The following LRRC39 variants were observed in gnomAD, a reference collection of about 807,000 sequenced individuals.
LRRC39 encodes leucine-rich repeat-containing protein 39.
A neutral mutation model predicts 39.7 loss-of-function variants in LRRC39; 35 were observed. That is an observed-to-expected ratio of 0.88 (90% confidence interval 0.67 to 1.17). The LOEUF (loss-of-function observed/expected upper bound fraction) is 1.17, where lower values mean the gene tolerates loss of function less well. LRRC39 is among the 50% of genes most tolerant of loss of function. LRRC39 has a pLI of 0.00. For missense variants in LRRC39, 357 were observed against 385.8 expected, an observed-to-expected ratio of 0.93 and a Z score of 0.62; for synonymous variants, 113 against 134.1, an observed-to-expected ratio of 0.84 and a Z score of 1.09.
chr1:100,156,452 C>A, intron 6 of LRRC39, 135 bp from the exon 7 acceptor site: 1 of 731,036 alleles, frequency 1.4e-6, no homozygotes, highest in Non-Finnish European at 2.0e-6. Flanking sequence ...CATATTAGTC[C>A]GCAACAAATT....
Position 100,155,092 on chromosome 1 carries a change from C to T in LRRC39, c.771G>A (p.Leu257=). Residue 257 remains leucine (L), a synonymous_variant, in exon 8 of 10, where the codon CTG becomes CTA. Transcript: ENST00000370137. ...LGTLVLSNNK[L]QDIPVCMEEM... ...CTTCCATGCATACTGGAATATCTTG[C>T]AGTTTATTGTTGCTGAGAACAAGAG... 6.2e-7 allele frequency: 1 copy of T among 1,606,408 alleles called. No individual in the cohort carries two copies. The highest frequency in any genetic ancestry group is 1.1e-5 in the South Asian group (1 of 89,100).
chr1:100,158,477 G>C (rs1008880299), intron 5 of LRRC39, 110 bp from the exon 6 acceptor site: 3 of 969,672 alleles, frequency 3.1e-6, no homozygotes, highest in East Asian at 3.0e-5. Context: ...TTGCTCTGTC[G>C]CCCAGGCTGG....
intron 7 of LRRC39, 42 bp from the exon 8 acceptor site, chr1:100,155,245 A>G: frequency 6.8e-7 from 1 of 1,476,838 alleles, no homozygotes; most frequent in Non-Finnish European, 9.0e-7. Flanking sequence ...ATATAATATG[A>G]AAATATTGGT....
intron 3 of LRRC39, among the ~76,000 whole-genome samples, chr1:100,163,611 A>AG (rs1256245213): frequency 6.6e-6 from 1 of 151,838 alleles, no homozygotes; most frequent in Non-Finnish European, 1.5e-5. Context: ...AAAAAAAAAA[A>AG]AAATTGAGAA....
chr1:100,149,634 G>A, intron 9 of LRRC39: 11 of 403,018 alleles, frequency 2.7e-5, no homozygotes, highest in South Asian at 8.6e-5. Context: ...CTTCTGTTTG[G>A]GAAAATAATT....
At chr1:100,172,687 G>A (rs1362310101) in intron 2 of LRRC39, among the ~76,000 whole-genome samples, 2 of 152,040 alleles carry the variant, frequency 1.3e-5, no homozygotes, top group East Asian at 1.9e-4. Context: ...GTGGCCAGGC[G>A]CGGTGGCTCA....
Position 100,148,604 on chromosome 1 carries a change from G to A in LRRC39, c.*438C>T, listed in dbSNP as rs866635006. ...TTTTGCAAAATTTTAACAATGTTTT[G>A]TGTGTGTTTATTCAATTTAGGCTTC... On this transcript the variant is annotated 3_prime_UTR_variant, in exon 10 of 10. Coordinates refer to ENST00000370137, the MANE Select transcript of LRRC39 (RefSeq NM_144620.4). 6.3e-7 allele frequency: 1 copy of A among 1,584,986 alleles called. No homozygotes were observed. Among genetic ancestry groups the A allele is most frequent in the Non-Finnish European group, 8.5e-7 (1 of 1,170,240 alleles).
At chr1:100,159,162 T>A in intron 5 of LRRC39, 97 bp downstream of exon 5, 1 of 1,061,814 alleles carries the variant, frequency 9.4e-7, no homozygotes, top group Non-Finnish European at 1.3e-6. Context: ...GAGGGCTGTA[T>A]AAAGAGGTCT....
intron 4 of LRRC39, among the ~76,000 whole-genome samples, chr1:100,160,245 A>G (rs1371675043): frequency 6.6e-6 from 1 of 152,188 alleles, no homozygotes; most frequent in Non-Finnish European, 1.5e-5. Flanking sequence ...AAATATCACA[A>G]ATGATTTAGG....
In LRRC39 at chr1:100,167,778, A is replaced by AAATAAT. The variant is rs5776500; in HGVS notation, c.113+620_113+625dup. ...GCGACAGAGTGAGTCTCCATTTCAA[A>AAATAAT]AATAATAATAATAATAATAATAATA... On this transcript the variant is annotated intron_variant, in intron 3 of 9. Transcript: ENST00000370137. Among the ~76,000 whole-genome samples the AAATAAT allele has an allele frequency of 7.6e-4, 104 of 137,390 alleles. 1 individual carries two copies. Among genetic ancestry groups the AAATAAT allele is most frequent in the East Asian group, 2.1e-3 (10 of 4,730 alleles). 90.1% of individuals were successfully genotyped at this position (137,390 alleles called of 152,430 possible).
chr1:100,150,126 T>G (rs1300720356), intron 9 of LRRC39: 3 of 152,332 alleles, frequency 2.0e-5, no homozygotes, highest in South Asian at 2.1e-4. Context: ...CTCACAAGGT[T>G]GTTGTGAGCA....
upstream of LRRC39, among the ~76,000 whole-genome samples, chr1:100,178,965 C>T (rs766619696): frequency 6.6e-6 from 1 of 152,076 alleles, no homozygotes; most frequent in Non-Finnish European, 1.5e-5. Context: ...ATGCCTATAT[C>T]CCTTAAAAGC....
Position 100,168,384 on chromosome 1 carries a change from A to G in LRRC39, c.113+20T>C. 6.5e-7 allele frequency: 1 copy of G among 1,535,766 alleles called. No homozygotes were observed. Among genetic ancestry groups the G allele is most frequent in the Non-Finnish European group, 8.9e-7 (1 of 1,124,222 alleles). Reference sequence around the variant, plus strand: ...TATGAATTTTCACTAATTCAAAATAATAAATATGTTTTAGCATACTTGTGT... The same window carrying G: ...TATGAATTTTCACTAATTCAAAATAGTAAATATGTTTTAGCATACTTGTGT... On this transcript the variant is annotated intron_variant, in intron 3 of 9. Transcript: ENST00000370137.
At chr1:100,167,296 A>G (rs1659316145) in intron 3 of LRRC39, among the ~76,000 whole-genome samples, 1 of 152,196 alleles carries the variant, frequency 6.6e-6, no homozygotes, top group Non-Finnish European at 1.5e-5. Context: ...CGAGGATCAG[A>G]CTGACACAGG....
intron 4 of LRRC39, 103 bp downstream of exon 4, chr1:100,160,363 G>A: frequency 1.4e-6 from 1 of 707,398 alleles, no homozygotes; most frequent in Non-Finnish European, 2.2e-6. Context: ...ATTAAAATTA[G>A]TTTCTAACTA....
At chr1:100,172,413 G>A (rs1049731118) in intron 2 of LRRC39, among the ~76,000 whole-genome samples, 1 of 152,186 alleles carries the variant, frequency 6.6e-6, no homozygotes, top group East Asian at 1.9e-4. Context: ...CTGGCCAGGC[G>A]CACTGGCTCA....
chr1:100,151,256 G>A (rs1191470259), intron 9 of LRRC39, among the ~76,000 whole-genome samples: 1 of 151,084 alleles, frequency 6.6e-6, no homozygotes, highest in Non-Finnish European at 1.5e-5. Flanking sequence ...CTATCCAGTT[G>A]CCCTCTAAAC....
intron 6 of LRRC39, among the ~76,000 whole-genome samples, chr1:100,157,257 GT>G (rs1225659188): frequency 6.6e-6 from 1 of 152,086 alleles, no homozygotes; most frequent in Admixed American, 6.5e-5. Context: ...CATGGCGATG[GT>G]TTCCCCCTTA....
At chr1:100,159,538 T>C (rs1002542349) in intron 4 of LRRC39, 123 bp from the exon 5 acceptor site, 1 of 693,308 alleles carries the variant, frequency 1.4e-6, no homozygotes, top group Non-Finnish European at 2.1e-6. Flanking sequence ...TTTTCCTTAG[T>C]GGGTTACTTT....
Sources: gnomAD v4.1 joint callset for allele counts (sites outside exome capture counted in the v4.1 genomes callset) on GRCh38, gnomAD v4.1.1 for gene constraint, MANE v1.5 for transcripts, NCBI Gene and HGNC (gene_info 2026-07-23, HGNC 2026-07-21) for gene names.